Variants in AGK observed in about 807,000 individuals in gnomAD.
The protein encoded by AGK is acylglycerol kinase, also known as acylglycerol kinase, mitochondrial.
Under a neutral mutation model 66.4 loss-of-function variants are expected in AGK, and 52 were observed. That is an observed-to-expected ratio of 0.78 (90% CI 0.63 to 0.99). The LOEUF (loss-of-function observed/expected upper bound fraction) is 0.99, where lower values mean the gene tolerates loss of function less well. Ranked by LOEUF, AGK falls within the 50% of genes least tolerant of loss-of-function variation. AGK has a pLI of 0.00. For synonymous variants in AGK, 182 were observed against 181.1 expected (o/e 1.00, Z -0.04); for missense variants, 451 against 506.6 (o/e 0.89, Z 1.05).
At chr7:141,569,359 C>G (rs1795545511) in intron 2 of AGK, among the ~76,000 whole-genome samples, 1 of 152,036 alleles carries the variant, frequency 6.6e-6, no homozygotes, top group Admixed American at 6.6e-5. Context: ...CATGGTGAAA[C>G]CCCGTCTTTA....
At chr7:141,622,015 A>G (rs1371082679) in intron 9 of AGK, among the ~76,000 whole-genome samples, 2 of 152,082 alleles carry the variant, frequency 1.3e-5, no homozygotes, top group East Asian at 3.9e-4. Context: ...TATTTTTAAA[A>G]TGTGGCTAAA....
intron 6 of AGK, 81 bp from the exon 7 acceptor site, chr7:141,614,065 T>A (rs753680629): frequency 1.1e-5 from 11 of 1,039,342 alleles, no homozygotes; most frequent in Non-Finnish European, 1.6e-5. Context: ...AAGTTTATGG[T>A]CTATGAAAAT....
intron 2 of AGK, among the ~76,000 whole-genome samples, chr7:141,558,760 T>A (rs71545326): frequency 0.029 from 4,465 of 152,310 alleles, 106 homozygotes; most frequent in South Asian, 0.14. Flanking sequence ...TACAAGGTTT[T>A]CAGTTTCTCC....
chr7:141,593,402 C>CTA (rs1433137098), intron 3 of AGK: 1 of 703,218 alleles, frequency 1.4e-6, no homozygotes, highest in East Asian at 2.7e-5. Flanking sequence ...CCCCTATAGA[C>CTA]TGTTTGTTTC....
At position 141,653,108 on chromosome 7, in the gene AGK, C is replaced by T. The variant is rs116500538; in HGVS notation, c.*184C>T. On this transcript the variant is annotated 3_prime_UTR_variant, in exon 16 of 16. Transcript: ENST00000649286. The stretch of plus-strand genomic sequence containing the variant: ...TGTGCTCTGTCACCTGCTTTGCAAT[C>T]GGCTTCCATTAGCGCATGTTTTATT... 934 of 622,838 alleles carry T rather than the reference C, an allele frequency of 1.5e-3. 7 individuals carry two copies. The African/African-American group carries it at 0.016, about 10-fold the overall frequency. 38.6% of individuals were successfully genotyped at this position (622,838 alleles called of 1,614,324 possible).
rs568488828 is a variant in AGK at position 141,554,481 on chromosome 7, G to T, written c.-14-972G>T. On this transcript the variant is annotated intron_variant, in intron 1 of 15. Coordinates refer to ENST00000649286, the MANE Select transcript of AGK (RefSeq NM_018238.4). Reference sequence around the variant, plus strand: ...AATTTTACTTAACATTATGTTTTGGGTTTTTTCCCCCATCAGTAAAAATTT... The same window carrying T: ...AATTTTACTTAACATTATGTTTTGGTTTTTTTCCCCCATCAGTAAAAATTT... Among the ~76,000 whole-genome samples, 15 of 151,924 alleles carry T rather than the reference G, an allele frequency of 9.9e-5. No homozygotes were observed. In the South Asian group the frequency reaches 3.1e-3, roughly 32 times the overall value.
chr7:141,602,952 C>T (rs1302894251), intron 5 of AGK, among the ~76,000 whole-genome samples: 3 of 151,802 alleles, frequency 2.0e-5, no homozygotes, highest in Non-Finnish European at 4.4e-5. Flanking sequence ...TTCTGATTGT[C>T]TTTGTTAATG....
chr7:141,595,148 C>A (rs962737052), intron 3 of AGK, among the ~76,000 whole-genome samples: 1 of 152,250 alleles, frequency 6.6e-6, no homozygotes, highest in East Asian at 1.9e-4. Flanking sequence ...CACATAAACT[C>A]CTTAGCTCAC....
At chr7:141,634,413 G>C (rs1482620550) in intron 10 of AGK, among the ~76,000 whole-genome samples, 1 of 152,160 alleles carries the variant, frequency 6.6e-6, no homozygotes, top group Admixed American at 6.5e-5. Context: ...TGAAGGCCTC[G>C]CAGATTGGGA....
At chr7:141,584,384 G>A (rs964611737) in intron 2 of AGK, among the ~76,000 whole-genome samples, 2 of 151,728 alleles carry the variant, frequency 1.3e-5, no homozygotes, top group Admixed American at 6.5e-5. Flanking sequence ...CCATCTGGAC[G>A]CATATACATG....
At chr7:141,643,844 A>G (rs1797343823) in intron 13 of AGK, among the ~76,000 whole-genome samples, 1 of 152,104 alleles carries the variant, frequency 6.6e-6, no homozygotes, top group African/African-American at 2.4e-5. Flanking sequence ...CATGACTAAA[A>G]AGCATGTTAT....
intron 5 of AGK, among the ~76,000 whole-genome samples, chr7:141,606,731 C>T (rs1011447317): frequency 2.0e-5 from 3 of 152,148 alleles, no homozygotes; most frequent in African/African-American, 7.2e-5. Context: ...TTGCACAGTT[C>T]TATGGGTTTT....
chr7:141,597,660 C>G (rs1466292683), intron 4 of AGK, among the ~76,000 whole-genome samples: 1 of 151,736 alleles, frequency 6.6e-6, no homozygotes, highest in Non-Finnish European at 1.5e-5. Flanking sequence ...CACTTGAGCC[C>G]AGGAGTTTGA....
chr7:141,578,385 T>A (rs1795799947), intron 2 of AGK, among the ~76,000 whole-genome samples: 1 of 151,996 alleles, frequency 6.6e-6, no homozygotes, highest in South Asian at 2.1e-4. Context: ...TTCACTTCTT[T>A]TGTGATTCTT....
chr7:141,582,767 A>G (rs1390960357), intron 2 of AGK, among the ~76,000 whole-genome samples: 1 of 151,938 alleles, frequency 6.6e-6, no homozygotes, highest in Non-Finnish European at 1.5e-5. Context: ...TAGCCATGGA[A>G]CGAAACTGTA....
At chr7:141,591,243 C>T (rs1392389996) in intron 2 of AGK, among the ~76,000 whole-genome samples, 2 of 151,860 alleles carry the variant, frequency 1.3e-5, no homozygotes, top group East Asian at 1.9e-4. Context: ...CAGGCATGCA[C>T]CAGCATGCCC....
chr7:141,582,380 T>TA, intron 2 of AGK, among the ~76,000 whole-genome samples: 1 of 151,958 alleles, frequency 6.6e-6, no homozygotes, highest in East Asian at 1.9e-4. Flanking sequence ...AATTCAGAAA[T>TA]ACGTTGCTAC....
intron 10 of AGK, among the ~76,000 whole-genome samples, chr7:141,634,425 A>C (rs1327219620): frequency 6.6e-6 from 1 of 152,120 alleles, no homozygotes; most frequent in Non-Finnish European, 1.5e-5. Context: ...AGATTGGGAG[A>C]CCACAGGCCG....
At chr7:141,612,013 T>A (rs987113072) in intron 6 of AGK, among the ~76,000 whole-genome samples, 1 of 152,244 alleles carries the variant, frequency 6.6e-6, no homozygotes, top group African/African-American at 2.4e-5. Context: ...TGAAACCCTG[T>A]GTCCACACAA....
Sources: allele counts gnomAD v4.1 joint callset (sites outside exome capture counted in the v4.1 genomes callset), GRCh38; gene constraint gnomAD v4.1.1; transcripts MANE v1.5; gene names NCBI Gene and HGNC (gene_info 2026-07-23, HGNC 2026-07-21).